Variants in MACROD2 observed in about 807,000 individuals in gnomAD.
MACROD2 encodes the protein mono-ADP ribosylhydrolase 2.
A neutral mutation model predicts 70.4 loss-of-function variants in MACROD2; 36 were observed. The observed-to-expected ratio is 0.51, with a 90% CI of 0.39 to 0.68. The LOEUF is 0.68. MACROD2 is among the 30% of genes least tolerant of loss of function. The pLI, the probability that MACROD2 is intolerant of heterozygous loss-of-function variation, is 0.00. For synonymous variants in MACROD2, 172 were observed against 178.8 expected, an observed-to-expected ratio of 0.96 and a Z score of 0.30; for missense variants, 496 against 538.4, an observed-to-expected ratio of 0.92 and a Z score of 0.78.
intron 5 of MACROD2, among the ~76,000 whole-genome samples, chr20:15,144,612 A>G (rs768364943): frequency 1.3e-5 from 2 of 152,166 alleles, no homozygotes; most frequent in African/African-American, 2.4e-5. Flanking sequence ...GGAAATCACC[A>G]AAGTCATAAG....
chr20:15,077,273 A>G (rs1451819170), intron 5 of MACROD2, among the ~76,000 whole-genome samples: 1 of 152,170 alleles, frequency 6.6e-6, no homozygotes, highest in Admixed American at 6.5e-5. Context: ...AAGAGTTATG[A>G]ATTTTCTTAA....
chr20:15,165,958 C>T (rs941254583), intron 5 of MACROD2, among the ~76,000 whole-genome samples: 2 of 152,034 alleles, frequency 1.3e-5, no homozygotes, highest in Non-Finnish European at 2.9e-5. Flanking sequence ...ATAGATGAAC[C>T]TCAAGGATAT....
intron 6 of MACROD2, among the ~76,000 whole-genome samples, chr20:15,423,571 A>G (rs1371335171): frequency 6.6e-6 from 1 of 151,274 alleles, no homozygotes; most frequent in Admixed American, 6.6e-5. Context: ...GTCTGTCAAG[A>G]GCTCTTTTCT....
intron 3 of MACROD2, among the ~76,000 whole-genome samples, chr20:14,351,313 T>G (rs544424951): frequency 6.8e-4 from 103 of 152,274 alleles, no homozygotes; most frequent in African/African-American, 2.3e-3. Context: ...AGAGATTGCA[T>G]TGAATCTGTA....
At chr20:14,733,590 T>G (rs2071623297) in intron 5 of MACROD2, among the ~76,000 whole-genome samples, 1 of 151,846 alleles carries the variant, frequency 6.6e-6, no homozygotes, top group African/African-American at 2.4e-5. Flanking sequence ...AAAAATGAAT[T>G]CATAGATGGT....
chr20:14,349,076 TAAAC>T (rs942027620), intron 3 of MACROD2, among the ~76,000 whole-genome samples: 5 of 151,616 alleles, frequency 3.3e-5, no homozygotes, highest in African/African-American at 9.7e-5. Context: ...TCTAAATAAA[TAAAC>T]AAACAAATAA....
chr20:15,622,933 T>C (rs1339567503), intron 8 of MACROD2, among the ~76,000 whole-genome samples: 2 of 152,236 alleles, frequency 1.3e-5, no homozygotes. Context: ...AGTTCAGTAC[T>C]ATCCTTAGTT....
chr20:14,614,158 C>T (rs77575750), intron 4 of MACROD2, among the ~76,000 whole-genome samples: 4,308 of 152,194 alleles, frequency 0.028, 202 homozygotes, highest in African/African-American at 0.099. Context: ...AACTCCACAC[C>T]TAACTAACTG....
chr20:14,985,747 A>G (rs1405827713), intron 5 of MACROD2, among the ~76,000 whole-genome samples: 1 of 147,262 alleles, frequency 6.8e-6, no homozygotes, highest in Non-Finnish European at 1.5e-5. Context: ...AAGAAATGCC[A>G]ATGATTTATT....
intron 3 of MACROD2, among the ~76,000 whole-genome samples, chr20:14,158,119 A>C (rs896723331): frequency 1.3e-5 from 2 of 152,022 alleles, no homozygotes; most frequent in Non-Finnish European, 2.9e-5. Flanking sequence ...AGCCATTCTA[A>C]TTGGGGTAAG....
intron 4 of MACROD2, among the ~76,000 whole-genome samples, chr20:14,502,658 C>A (rs1354166078): frequency 6.6e-6 from 1 of 152,024 alleles, no homozygotes; most frequent in African/African-American, 2.4e-5. Context: ...TAGTGCAAAT[C>A]TGAAAGATGA....
intron 10 of MACROD2, among the ~76,000 whole-genome samples, chr20:15,901,740 T>C (rs763350932): frequency 2.6e-5 from 4 of 152,190 alleles, no homozygotes; most frequent in Non-Finnish European, 5.9e-5. Context: ...AATCTCTACT[T>C]AACTGTCTCT....
chr20:14,859,184 A>C (rs2073288149), intron 5 of MACROD2, among the ~76,000 whole-genome samples: 1 of 152,032 alleles, frequency 6.6e-6, no homozygotes. Context: ...CCACTAAAGA[A>C]CCTATCCGTG....
intron 1 of MACROD2, among the ~76,000 whole-genome samples, chr20:14,001,894 G>C (rs1433659740): frequency 1.3e-5 from 2 of 152,128 alleles, no homozygotes; most frequent in Non-Finnish European, 2.9e-5. Context: ...CTGCTCCCAT[G>C]ACCCAATTAC....
chr20:15,036,095 T>C (rs1480156034), intron 5 of MACROD2, among the ~76,000 whole-genome samples: 5 of 152,162 alleles, frequency 3.3e-5, no homozygotes, highest in African/African-American at 1.2e-4. Flanking sequence ...GTGTATGAAT[T>C]TGTCTGTGTA....
At chr20:14,621,785 G>A (rs1983842378) in intron 4 of MACROD2, 1 of 152,112 alleles carries the variant, frequency 6.6e-6, no homozygotes. Context: ...TGGGAAGTGT[G>A]TTTCTAGGTA....
At chr20:15,606,125 C>G (rs763394746) in intron 8 of MACROD2, among the ~76,000 whole-genome samples, 2 of 152,192 alleles carry the variant, frequency 1.3e-5, no homozygotes, top group Non-Finnish European at 2.9e-5. Flanking sequence ...TCTCTAGTCT[C>G]TTACCCTCCA....
At chr20:14,753,262 T>A (rs145259373) in intron 5 of MACROD2, among the ~76,000 whole-genome samples, 1 of 152,222 alleles carries the variant, frequency 6.6e-6, no homozygotes, top group African/African-American at 2.4e-5. Context: ...TTGCATTTTT[T>A]AATGATTATT....
chr20:15,821,900 G>A (rs1391278960), intron 8 of MACROD2, among the ~76,000 whole-genome samples: 2 of 152,138 alleles, frequency 1.3e-5, no homozygotes, highest in East Asian at 3.8e-4. Flanking sequence ...TATACCATAT[G>A]AAGAGTGTGA....
Sources: allele counts gnomAD v4.1 joint callset (sites outside exome capture counted in the v4.1 genomes callset), GRCh38; gene constraint gnomAD v4.1.1; transcripts MANE v1.5; gene names NCBI Gene and HGNC (gene_info 2026-07-23, HGNC 2026-07-21).